Variants in LYZL2 observed in about 807,000 individuals in gnomAD.
The protein encoded by LYZL2 is lysozyme-like protein 2.
Under a neutral mutation model 17.1 loss-of-function variants are expected in LYZL2, and 13 were observed. The ratio of observed to expected loss-of-function variants is 0.76; its 90% CI spans 0.49 to 1.21. The LOEUF (loss-of-function observed/expected upper bound fraction) is 1.21. LYZL2 is among the 50% of genes most tolerant of loss of function. LYZL2 has a pLI of 0.00. For missense variants in LYZL2, 166 were observed against 189.2 expected (o/e 0.88, Z 0.72); for synonymous variants, 63 against 74.4 (o/e 0.85, Z 0.79).
chr10:30,625,564 G>A (rs1323347587), intron 3 of LYZL2, among the ~76,000 whole-genome samples: 1 of 152,144 alleles, frequency 6.6e-6, no homozygotes, highest in East Asian at 1.9e-4. Context: ...CTGGGCATAT[G>A]CCTGTAGTTC....
rs756442490 is a variant in LYZL2 at position 30,626,875 on chromosome 10, A to T, written c.41T>A (p.Val14Asp). 1.2e-6 allele frequency: 2 copies of T among 1,612,866 alleles called. No homozygotes were observed. Among genetic ancestry groups the T allele is most frequent in the Admixed American group, 1.7e-5 (1 of 59,938 alleles). The change falls in exon 2 of 5, where the codon GTC (valine) becomes GAC (aspartate). Residue 14 changes from valine to aspartate, a missense_variant. Val to Asp is a radical substitution (Grantham distance 152). Around this residue, in one of 2 missense-constraint regions of LYZL2, gnomAD observed 32 missense variants for 59.8 expected, o/e 0.53. Transcript: ENST00000647634. ...GTAGATTTTGGACTCGGCGCCTGTG[A>T]CCAGGCAGCCAATGAGGGTCAGAAT... ...AGILTLIGCLVTGAESKIYTR... is the reference protein window; with the variant it reads ...AGILTLIGCLDTGAESKIYTR...
chr10:30,613,864 C>T (rs1838487103), intron 3 of LYZL2, among the ~76,000 whole-genome samples: 1 of 152,062 alleles, frequency 6.6e-6, no homozygotes, highest in Non-Finnish European at 1.5e-5. Context: ...TACAGGTATG[C>T]ACCACCACGC....
At position 30,626,786 on chromosome 10, in the gene LYZL2, G is replaced by A; in HGVS notation, c.130C>T (p.Leu44Phe). 3.7e-6 allele frequency: 6 copies of A among 1,614,270 alleles called. No individual in the cohort carries two copies. Among genetic ancestry groups the A allele is most frequent in the Non-Finnish European group, 5.1e-6 (6 of 1,180,054 alleles). ...AGLDNYWGFS[L>F]GNWICMAYYE... ...AAAGAAATAATCTCACAGTTTCCAA[G>A]GCTGAAGCCCCAGTAATTGTCCAGG... Residue 44 changes from leucine to phenylalanine, a missense_variant, in exon 2 of 5, where the codon CTT becomes TTT. By Grantham distance (22) the Leu-to-Phe change is conservative. This residue lies in a region of LYZL2 where 32 missense variants were observed against 59.8 expected (regional missense o/e 0.53). Coordinates refer to ENST00000647634, the MANE Select transcript of LYZL2 (RefSeq NM_183058.3).
intron 3 of LYZL2, among the ~76,000 whole-genome samples, chr10:30,621,550 C>T (rs903223368): frequency 6.6e-6 from 1 of 152,080 alleles, no homozygotes; most frequent in Non-Finnish European, 1.5e-5. Flanking sequence ...TGCCACTACA[C>T]TCACAGTGTT....
chr10:30,611,550 GGAAGGAAGGAAGGAAGGAAGGAAA>G (rs1179582461), downstream of LYZL2, among the ~76,000 whole-genome samples: 120 of 79,308 alleles, frequency 1.5e-3, no homozygotes, highest in African/African-American at 5.1e-3. Context: ...AAGGAAGGAA[GGAAGGAAGGAAGGAAGGAAGGAAA>G]GAAAGAAAGA....
At position 30,623,093 on chromosome 10, in the gene LYZL2, A is replaced by T. The variant is rs192912204; in HGVS notation, c.298+3012T>A. 1.2e-3 allele frequency among the ~76,000 whole-genome samples: 188 copies of T among 152,338 alleles called. 3 individuals carry two copies. Among genetic ancestry groups the T allele is most frequent in the African/African-American group, 3.4e-3 (143 of 41,568 alleles). On this transcript the variant is annotated intron_variant, in intron 3 of 4. Transcript: ENST00000647634. ...ACTCCAGTGATAAAAGAGTCAATTC[A>T]CCACAAGGACATAACAACCCTCAAA...
downstream of LYZL2, among the ~76,000 whole-genome samples, chr10:30,611,579 G>GAAAGAA (rs1838439218): frequency 9.2e-6 from 1 of 108,362 alleles, no homozygotes; most frequent in Admixed American, 9.8e-5. Context: ...AGGAAAGAAA[G>GAAAGAA]AAAGAAAGAA....
chr10:30,611,036 C>G (rs901527304), downstream of LYZL2, among the ~76,000 whole-genome samples: 2 of 152,064 alleles, frequency 1.3e-5, no homozygotes, highest in African/African-American at 4.8e-5. Context: ...TAACCTAACC[C>G]TTCTGCATGT....
chr10:30,611,810 A>G lies in LYZL2; in HGVS notation c.*145T>C. The G allele has an allele frequency of 4.2e-6, 6 of 1,416,062 alleles. No individual in the cohort carries two copies. The highest frequency in any genetic ancestry group is 2.6e-5 in the South Asian group (2 of 75,594). The allele number at this position is 1,416,062 out of a possible 1,614,324, so 87.7% of individuals were successfully genotyped here. A position where few individuals can be genotyped will look rare whatever the true frequency, so the allele number is the denominator to read the frequency against. The stretch of plus-strand genomic sequence containing the variant: ...TGAAGACATTTAAATGGAAATATTT[A>G]TTTTCTTAAAAGTATAGCTTAATTT... On this transcript the variant is annotated 3_prime_UTR_variant, in exon 5 of 5. Transcript: ENST00000647634.
At chr10:30,613,010 G>T in intron 3 of LYZL2, 110 bp from the exon 4 acceptor site, 1 of 769,008 alleles carries the variant, frequency 1.3e-6, no homozygotes, top group Non-Finnish European at 2.2e-6. Flanking sequence ...AAGGTTGGAA[G>T]AACTATAATT....
intron 3 of LYZL2, among the ~76,000 whole-genome samples, chr10:30,621,868 T>G (rs1215867796): frequency 6.6e-6 from 1 of 152,218 alleles, no homozygotes; most frequent in Non-Finnish European, 1.5e-5. Flanking sequence ...TAAAACTTTT[T>G]TCTCATTTAA....
intron 2 of LYZL2, 107 bp from the exon 3 acceptor site, chr10:30,626,370 CA>C (rs1176792942): frequency 2.6e-5 from 40 of 1,523,468 alleles, no homozygotes; most frequent in Non-Finnish European, 3.4e-5. Flanking sequence ...TGCTTCCTCC[CA>C]ATACACCTTG....
At chr10:30,614,732 T>C (rs2132936706) in intron 3 of LYZL2, among the ~76,000 whole-genome samples, 1 of 152,280 alleles carries the variant, frequency 6.6e-6, no homozygotes, top group African/African-American at 2.4e-5. Context: ...GGGAGTATAA[T>C]GGATTCAATG....
intron 4 of LYZL2, among the ~76,000 whole-genome samples, chr10:30,612,320 T>C (rs949052246): frequency 1.1e-4 from 16 of 152,184 alleles, no homozygotes; most frequent in Admixed American, 2.6e-4. Context: ...CGGCTGGCAA[T>C]GTTCACCAGA....
At chr10:30,616,985 T>C (rs1383070403) in intron 3 of LYZL2, among the ~76,000 whole-genome samples, 6 of 152,250 alleles carry the variant, frequency 3.9e-5, no homozygotes, top group African/African-American at 1.4e-4. Context: ...ATGTTCAAAT[T>C]ACTTAGAGAC....
chr10:30,613,873 G>A (rs191552075), intron 3 of LYZL2, among the ~76,000 whole-genome samples: 18 of 152,072 alleles, frequency 1.2e-4, no homozygotes, highest in East Asian at 9.6e-4. Context: ...GCACCACCAC[G>A]CCTGACCATT....
At chr10:30,621,418 ATT>A (rs74355775) in intron 3 of LYZL2, among the ~76,000 whole-genome samples, 20,434 of 147,358 alleles carry the variant, frequency 0.14, 1,984 homozygotes, top group East Asian at 0.48. Context: ...CATCTCCACA[ATT>A]TTTTTTTTTT....
chr10:30,609,077 G>A (rs1004825539), downstream of LYZL2, among the ~76,000 whole-genome samples: 3 of 152,182 alleles, frequency 2.0e-5, no homozygotes, highest in African/African-American at 7.2e-5. Context: ...TGGCTCAAGT[G>A]ATCCTCCTGC....
chr10:30,628,389 A>T (rs549405916), intron 1 of LYZL2, among the ~76,000 whole-genome samples: 2 of 152,198 alleles, frequency 1.3e-5, no homozygotes, highest in African/African-American at 4.8e-5. Context: ...GATGGAGGAC[A>T]AAGCCTCATG....
Sources: gnomAD v4.1 joint callset for allele counts (sites outside exome capture counted in the v4.1 genomes callset) on GRCh38, gnomAD v4.1.1 for gene constraint, gnomAD v4.1.1 regional missense constraint, MANE v1.5 for transcripts, NCBI Gene and HGNC (gene_info 2026-07-23, HGNC 2026-07-21) for gene names.